ADAM22: variants seen among roughly 807,000 people sequenced by gnomAD.
ADAM22 encodes the protein ADAM metallopeptidase domain 22, also known as disintegrin and metalloproteinase domain-containing protein 22.
Under a neutral mutation model 144.6 loss-of-function variants are expected in ADAM22, and 65 were observed. That is an observed-to-expected ratio of 0.45 (90% CI 0.37 to 0.55). The LOEUF (loss-of-function observed/expected upper bound fraction) is 0.55, where lower values mean the gene tolerates loss of function less well. Among genes scored for constraint, ADAM22 ranks in the 20% least tolerant of loss-of-function variants. The pLI is 0.00. For synonymous variants in ADAM22, 391 were observed against 412.6 expected, an observed-to-expected ratio of 0.95 and a Z score of 0.63; for missense variants, 974 against 1,184.9, an observed-to-expected ratio of 0.82 and a Z score of 2.61.
In ADAM22 at chr7:87,978,368, T is replaced by G; in HGVS notation, c.279T>G (p.Val93=). The G allele has an allele frequency of 2.5e-6, 4 of 1,613,762 alleles. No individual in the cohort carries two copies. Among genetic ancestry groups the G allele is most frequent in the Non-Finnish European group, 3.4e-6 (4 of 1,179,838 alleles). ...ATGTTGACCAAGCAAGCTTCCAGGTTGATGCCTTTGGAACGTCATTCATTC... is the reference window on the plus strand; with the variant it reads ...ATGTTGACCAAGCAAGCTTCCAGGTGGATGCCTTTGGAACGTCATTCATTC... The part of the protein sequence containing the change: ...LTHVDQASFQ[V]DAFGTSFILD... Residue 93 remains valine, a synonymous_variant, in exon 3 of 32, where the codon GTT becomes GTG. Transcript: ENST00000413139.
chr7:88,021,924 G>A (rs572545271), intron 3 of ADAM22, among the ~76,000 whole-genome samples: 14 of 151,976 alleles, frequency 9.2e-5, no homozygotes, highest in Admixed American at 2.0e-4. Flanking sequence ...TCAGGCTGGG[G>A]TGCAGTGGTA....
intron 2 of ADAM22, among the ~76,000 whole-genome samples, chr7:87,963,879 G>C (rs1848508378): frequency 6.6e-6 from 1 of 152,160 alleles, no homozygotes; most frequent in African/African-American, 2.4e-5. Flanking sequence ...TAAGAGCTGA[G>C]TTCATGCCAG....
intron 8 of ADAM22, among the ~76,000 whole-genome samples, chr7:88,128,063 A>G (rs1267339533): frequency 6.6e-6 from 1 of 151,976 alleles, no homozygotes; most frequent in East Asian, 1.9e-4. Flanking sequence ...TCCTAGATGA[A>G]GGCACATGAC....
chr7:88,128,686 G>A lies in ADAM22; in HGVS notation c.753+10G>A. 1 of 1,609,396 alleles carries A rather than the reference G, an allele frequency of 6.2e-7. No individual in the cohort carries two copies. The highest frequency in any genetic ancestry group is 8.5e-7 in the Non-Finnish European group (1 of 1,176,858). On this transcript the variant is annotated intron_variant, in intron 9 of 31. Coordinates refer to ENST00000413139, the MANE Select transcript of ADAM22 (RefSeq NM_001324418.2). ...GAATGATCACCTTATGGTAGGATTTGCTGTTGTTTTTAAGCCTGTTTGTGC... is the reference window on the plus strand; with the variant it reads ...GAATGATCACCTTATGGTAGGATTTACTGTTGTTTTTAAGCCTGTTTGTGC...
chr7:88,178,254 C>A, intron 26 of ADAM22, among the ~76,000 whole-genome samples: 1 of 152,246 alleles, frequency 6.6e-6, no homozygotes, highest in Admixed American at 6.5e-5. Flanking sequence ...TCTATAGTTT[C>A]AGCAAAAATT....
intron 31 of ADAM22, among the ~76,000 whole-genome samples, chr7:88,193,442 G>A (rs1334659080): frequency 6.6e-6 from 1 of 152,132 alleles, no homozygotes; most frequent in Non-Finnish European, 1.5e-5. Flanking sequence ...TACAGTCTAG[G>A]TACATTTTGT....
At chr7:87,999,776 T>A (rs1384141298) in intron 3 of ADAM22, among the ~76,000 whole-genome samples, 1 of 152,192 alleles carries the variant, frequency 6.6e-6, no homozygotes, top group East Asian at 1.9e-4. Flanking sequence ...AAGATTAGAT[T>A]CTCAATTGAA....
intron 25 of ADAM22, among the ~76,000 whole-genome samples, chr7:88,170,229 A>G (rs532830433): frequency 6.6e-6 from 1 of 152,058 alleles, no homozygotes; most frequent in Non-Finnish European, 1.5e-5. Context: ...ACTAGCCCAA[A>G]TAGCTAAAGT....
At chr7:88,169,366 T>C (rs1843696590) in intron 25 of ADAM22, among the ~76,000 whole-genome samples, 1 of 152,106 alleles carries the variant, frequency 6.6e-6, no homozygotes, top group Non-Finnish European at 1.5e-5. Flanking sequence ...TAGTAAGCTT[T>C]TCCCTGATTA....
In ADAM22 at chr7:88,019,854, AAT is replaced by A. The variant is rs1491386524; in HGVS notation, c.323+41445_323+41446del. On this transcript the variant is annotated intron_variant, in intron 3 of 31. Transcript: ENST00000413139. ...GACAGAGCGTGACTCTATCTCAAAA[AAT>A]ATGTGTGTGTGTGTGTGTGTGTGTG... Among the ~76,000 whole-genome samples the A allele has an allele frequency of 2.1e-3, 272 of 130,808 alleles. 2 individuals carry two copies. The highest frequency in any genetic ancestry group is 7.9e-3 in the African/African-American group (262 of 33,238). The allele number at this position is 130,808 out of a possible 152,430, so 85.8% of individuals were successfully genotyped here. A position where few individuals can be genotyped will look rare whatever the true frequency, so the allele number is the denominator to read the frequency against.
At chr7:88,099,024 C>T (rs1822201488) in intron 4 of ADAM22, among the ~76,000 whole-genome samples, 1 of 152,118 alleles carries the variant, frequency 6.6e-6, no homozygotes, top group Non-Finnish European at 1.5e-5. Context: ...AGGTGTTAAC[C>T]AGTAGTGTAT....
chr7:88,179,260 G>GCAAAC (rs1846401330), intron 27 of ADAM22, 131 bp downstream of exon 27: 2 of 441,660 alleles, frequency 4.5e-6, no homozygotes, highest in Non-Finnish European at 8.1e-6. Context: ...TCAAAACAAA[G>GCAAAC]CAAACCAAAC....
At chr7:87,944,837 T>TG (rs1287167552) in intron 2 of ADAM22, among the ~76,000 whole-genome samples, 2 of 151,556 alleles carry the variant, frequency 1.3e-5, no homozygotes, top group Non-Finnish European at 1.5e-5. Context: ...TTTTGTTTTT[T>TG]TTTTTTTAGT....
At chr7:88,029,519 G>C (rs925503738) in intron 3 of ADAM22, among the ~76,000 whole-genome samples, 3 of 152,072 alleles carry the variant, frequency 2.0e-5, no homozygotes, top group African/African-American at 7.2e-5. Flanking sequence ...ACCAAAATTA[G>C]TCTTATAATA....
rs945327396 is a variant in ADAM22, at chr7:88,081,293, C to A, written c.390+5601C>A. Among the ~76,000 whole-genome samples, 289 of 152,204 alleles carry A rather than the reference C, an allele frequency of 1.9e-3. 3 individuals are homozygous for A. Among genetic ancestry groups the A allele is most frequent in the African/African-American group, 6.5e-3 (268 of 41,532 alleles). On this transcript the variant is annotated intron_variant, in intron 4 of 31. Coordinates refer to ENST00000413139, the MANE Select transcript of ADAM22 (RefSeq NM_001324418.2). ...AGGCCTTTGACAAAATTCAACAGCC[C>A]TTCATGCTAAAAACTCTCAATAAAT...
At chr7:88,120,436 A>G (rs1328437264) in intron 7 of ADAM22, among the ~76,000 whole-genome samples, 2 of 151,234 alleles carry the variant, frequency 1.3e-5, no homozygotes, top group African/African-American at 4.9e-5. Context: ...AAGTGGGTAC[A>G]CTCTTTTATA....
At chr7:88,186,519 T>G (rs1848351274) in intron 29 of ADAM22, 96 bp from the exon 30 acceptor site, 2 of 827,072 alleles carry the variant, frequency 2.4e-6, no homozygotes. Flanking sequence ...TCACTTGCAT[T>G]TGGAGGGTGA....
chr7:88,061,955 G>T (rs1483015889), intron 3 of ADAM22, among the ~76,000 whole-genome samples: 3 of 149,146 alleles, frequency 2.0e-5, no homozygotes, highest in Non-Finnish European at 4.4e-5. Flanking sequence ...TAATCAACCT[G>T]CCTAGCCTCC....
intron 3 of ADAM22, among the ~76,000 whole-genome samples, chr7:87,998,034 T>C (rs2129454880): frequency 6.6e-6 from 1 of 152,324 alleles, no homozygotes; most frequent in African/African-American, 2.4e-5. Flanking sequence ...CACTGGTGTA[T>C]GTCCAAGGGT....
Sources: gnomAD v4.1 joint callset for allele counts (sites outside exome capture counted in the v4.1 genomes callset) on GRCh38, gnomAD v4.1.1 for gene constraint, MANE v1.5 for transcripts, NCBI Gene and HGNC (gene_info 2026-07-23, HGNC 2026-07-21) for gene names.